Variants in SYK observed in about 807,000 individuals in gnomAD.
SYK encodes spleen associated tyrosine kinase.
In SYK, 16 loss-of-function variants were observed where a neutral mutation model predicts 77.8. The ratio of observed to expected loss-of-function variants is 0.21; its 90% CI spans 0.14 to 0.31. The LOEUF (loss-of-function observed/expected upper bound fraction) is 0.31, where lower values mean the gene tolerates loss of function less well. Among genes scored for constraint, SYK ranks in the 10% least tolerant of loss-of-function variants. The pLI is 1.00. For missense variants in SYK, 529 were observed against 814.4 expected (o/e 0.65, Z 4.26); for synonymous variants, 312 against 308.7 (o/e 1.01, Z -0.11).
In SYK at chr9:90,843,931, C is replaced by A; in HGVS notation, c.33C>A (p.Asn11Lys). The A allele has an allele frequency of 6.4e-7, 1 of 1,563,862 alleles. No individual in the cohort carries two copies. The highest frequency in any genetic ancestry group is 8.7e-7 in the Non-Finnish European group (1 of 1,153,620). Residue 11 changes from asparagine (N) to lysine (K), a missense_variant, in exon 2 of 14, where the codon AAC (asparagine) becomes AAA (lysine). Coordinates refer to ENST00000375754, the MANE Select transcript of SYK (RefSeq NM_003177.7). The stretch of plus-strand genomic sequence containing the variant: ...GCAGCGGCATGGCTGACAGCGCCAA[C>A]CACCTGCCCTTCTTTTTCGGCAACA... MASSGMADSANHLPFFFGNIT... is the reference protein window; with the variant it reads MASSGMADSAKHLPFFFGNIT...
At chr9:90,888,774 T>C (rs1828677996) in intron 13 of SYK, 147 bp downstream of exon 13, 3 of 631,852 alleles carry the variant, frequency 4.7e-6, no homozygotes, top group Non-Finnish European at 7.8e-6. Context: ...GGGCTGGTCT[T>C]GCTTTAGAGA....
At chr9:90,888,473 C>T (rs759069948) in intron 12 of SYK, 42 bp from the exon 13 acceptor site, 71 of 1,464,830 alleles carry the variant, frequency 4.8e-5, no homozygotes, top group Non-Finnish European at 2.9e-5. Flanking sequence ...TGACTAACAC[C>T]TTTAAAAAAA....
At chr9:90,812,808 C>T (rs1038349675) in intron 1 of SYK, among the ~76,000 whole-genome samples, 3 of 138,484 alleles carry the variant, frequency 2.2e-5, no homozygotes, top group Non-Finnish European at 3.1e-5. Context: ...AGAGAGGGCT[C>T]GTGTTTTTCT....
At chr9:90,879,035 G>T in intron 11 of SYK, 82 bp downstream of exon 11, 1 of 1,114,260 alleles carries the variant, frequency 9.0e-7, no homozygotes, top group Non-Finnish European at 1.3e-6. Flanking sequence ...TTTTATTATT[G>T]GTATGGTTTC....
intron 1 of SYK, among the ~76,000 whole-genome samples, chr9:90,841,431 GTGT>G (rs1009627615): frequency 6.6e-6 from 1 of 151,942 alleles, no homozygotes; most frequent in African/African-American, 2.4e-5. Context: ...TGTGTGTAGT[GTGT>G]TGTGTGTGTA....
intron 1 of SYK, among the ~76,000 whole-genome samples, chr9:90,841,187 T>A (rs1197944743): frequency 6.7e-6 from 1 of 149,894 alleles, no homozygotes; most frequent in East Asian, 2.0e-4. Flanking sequence ...TTATGTGTAG[T>A]GTGTAGTATG....
rs75134156 is a variant in SYK, at chr9:90,830,074, C to G, written c.-41-13784C>G. On this transcript the variant is annotated intron_variant, in intron 1 of 13. Transcript: ENST00000375754. ...ACATTAGTAAAAATCATGCCTCATG[C>G]TACCATCCTTAGCTTCACTTTGTGT... Among the ~76,000 whole-genome samples the G allele has an allele frequency of 5.4e-3, 827 of 152,366 alleles. 7 individuals are homozygous for G. The highest frequency in any genetic ancestry group is 0.018 in the African/African-American group (751 of 41,576).
In SYK at chr9:90,898,278, T is replaced by C. The variant is rs1442550805; in HGVS notation, c.*2678T>C. ...GAAAATCGTTGCATGCATGTTTTCA[T>C]CTGAGCGTGTCCTTCTCCCATACTC... On this transcript the variant is annotated 3_prime_UTR_variant, in exon 14 of 14. Coordinates refer to ENST00000375754, the MANE Select transcript of SYK (RefSeq NM_003177.7). The C allele has an allele frequency of 4.3e-6, 1 of 230,232 alleles. No individual in the cohort carries two copies. The highest frequency in any genetic ancestry group is 8.6e-6 in the Non-Finnish European group (1 of 116,222). 14.3% of individuals were successfully genotyped at this position (230,232 alleles called of 1,614,324 possible).
intron 1 of SYK, among the ~76,000 whole-genome samples, chr9:90,836,271 A>G (rs1826081026): frequency 2.0e-5 from 3 of 148,262 alleles, no homozygotes; most frequent in Non-Finnish European, 4.5e-5. Flanking sequence ...TGGGCAACAG[A>G]GCGAGACTTC....
intron 7 of SYK, among the ~76,000 whole-genome samples, chr9:90,869,791 C>T (rs1827659017): frequency 6.6e-6 from 1 of 152,212 alleles, no homozygotes; most frequent in South Asian, 2.1e-4. Context: ...CAGGCTGATG[C>T]ATTTTAAACT....
At chr9:90,845,410 T>C (rs1353474749) in intron 2 of SYK, 24 bp from the exon 3 acceptor site, 1 of 1,607,390 alleles carries the variant, frequency 6.2e-7, no homozygotes, top group Admixed American at 1.7e-5. Flanking sequence ...TATGGTTTAC[T>C]CTGCTTTGCT....
chr9:90,846,193 G>C lies in SYK; in HGVS notation c.578+599G>C, dbSNP rs74545094. ...AGAAGGTTCTGAGATACAGGCCAAC[G>C]TGGTCAGTCAGTTGTCCAGAGAAGG... On this transcript the variant is annotated intron_variant, in intron 3 of 13. Transcript: ENST00000375754. Among the ~76,000 whole-genome samples the C allele has an allele frequency of 3.3e-3, 499 of 152,288 alleles. 2 individuals are homozygous for C. Among genetic ancestry groups the C allele is most frequent in the Non-Finnish European group, 5.1e-3 (344 of 68,032 alleles).
Position 90,804,704 on chromosome 9 carries a change from T to C in SYK, c.-42+2811T>C, listed in dbSNP as rs1824748377. Among the ~76,000 whole-genome samples the C allele has an allele frequency of 3.3e-5, 5 of 152,270 alleles. No individual in the cohort carries two copies. The South Asian group carries it at 1.0e-3, about 32-fold the overall frequency. ...AAGCAACTAAAATCAGAAGGCAGAG[T>C]CCTAATGAGAGATTATGATCAAATT... On this transcript the variant is annotated intron_variant, in intron 1 of 13. Coordinates refer to ENST00000375754, the MANE Select transcript of SYK (RefSeq NM_003177.7).
chr9:90,896,203 G>C lies in SYK; in HGVS notation c.*603G>C. On this transcript the variant is annotated 3_prime_UTR_variant, in exon 14 of 14. Transcript: ENST00000375754. ...GTAGCCAGTTAAGGAAAGAAAGAAA[G>C]AAAAAAAAAAAAGGCCTGGATACTG... 5.1e-6 allele frequency: 1 copy of C among 197,362 alleles called. No individual in the cohort carries two copies. Among genetic ancestry groups the C allele is most frequent in the Non-Finnish European group, 1.0e-5 (1 of 99,608 alleles). 12.2% of individuals were successfully genotyped at this position (197,362 alleles called of 1,614,324 possible). A position where few individuals can be genotyped will look rare whatever the true frequency, so the allele number is the denominator to read the frequency against.
intron 3 of SYK, among the ~76,000 whole-genome samples, chr9:90,860,743 C>G (rs1184579113): frequency 2.0e-5 from 3 of 152,116 alleles, no homozygotes; most frequent in Non-Finnish European, 4.4e-5. Flanking sequence ...GCTTTCAAGT[C>G]TTGGGTTAGC....
At chr9:90,878,385 T>C (rs1828024238) in intron 10 of SYK, among the ~76,000 whole-genome samples, 1 of 152,172 alleles carries the variant, frequency 6.6e-6, no homozygotes, top group Non-Finnish European at 1.5e-5. Context: ...TTAGTCTCCA[T>C]GGAAGGGAGG....
chr9:90,817,504 C>A (rs1014571441), intron 1 of SYK, among the ~76,000 whole-genome samples: 3 of 152,060 alleles, frequency 2.0e-5, no homozygotes, highest in African/African-American at 7.2e-5. Flanking sequence ...GCCAACATTT[C>A]TTTTCTGGCC....
chr9:90,865,174 G>A (rs2118805436), intron 6 of SYK, 77 bp downstream of exon 6: 1 of 1,387,744 alleles, frequency 7.2e-7, no homozygotes, highest in Non-Finnish European at 1.0e-6. Flanking sequence ...TTAGCTAACA[G>A]GAGTAGTAGG....
chr9:90,857,617 C>T (rs1265927168), intron 3 of SYK, among the ~76,000 whole-genome samples: 1 of 152,186 alleles, frequency 6.6e-6, no homozygotes, highest in Admixed American at 6.5e-5. Flanking sequence ...TCAGAAGTTG[C>T]ATTATCTATA....
Sources: allele counts gnomAD v4.1 joint callset (sites outside exome capture counted in the v4.1 genomes callset), GRCh38; gene constraint gnomAD v4.1.1; transcripts MANE v1.5; gene names NCBI Gene and HGNC (gene_info 2026-07-23, HGNC 2026-07-21).